The following RBFOX1 variants were observed in gnomAD, a reference collection of about 807,000 sequenced individuals.
RBFOX1 encodes the protein RNA binding fox-1 homolog 1, also known as RNA binding protein fox-1 homolog 1.
RBFOX1 carries 8 observed loss-of-function variants against 57.7 expected under a neutral mutation model. That is an observed-to-expected ratio of 0.14 (90% CI 0.08 to 0.25). The LOEUF (loss-of-function observed/expected upper bound fraction) is 0.25, where lower values mean the gene tolerates loss of function less well. RBFOX1 is among the 10% of genes least tolerant of loss of function. The pLI, the probability that RBFOX1 is intolerant of heterozygous loss-of-function variation, is 1.00. For synonymous variants in RBFOX1, 326 were observed against 222.4 expected (o/e 1.47, Z -4.15); for missense variants, 611 against 548.5 (o/e 1.11, Z -1.14).
intron 1 of RBFOX1, among the ~76,000 whole-genome samples, chr16:6,221,716 G>C (rs1415862232): frequency 6.6e-6 from 1 of 152,170 alleles, no homozygotes; most frequent in Admixed American, 6.5e-5. Context: ...TGAAGGAGGA[G>C]CAAAGTCACG....
intron 2 of RBFOX1, among the ~76,000 whole-genome samples, chr16:6,450,861 A>ATATATATG (rs2094603859): frequency 1.1e-5 from 1 of 91,970 alleles, no homozygotes; most frequent in African/African-American, 4.1e-5. Flanking sequence ...ATATATATAT[A>ATATATATG]TATATATATA....
intron 4 of RBFOX1, among the ~76,000 whole-genome samples, chr16:7,224,768 C>G (rs1473604407): frequency 1.3e-5 from 2 of 152,186 alleles, no homozygotes; most frequent in Non-Finnish European, 2.9e-5. Context: ...TGTCCAAAGT[C>G]CTCGTTATTC....
At chr16:7,295,577 T>C (rs1391423505) in intron 4 of RBFOX1, among the ~76,000 whole-genome samples, 1 of 152,052 alleles carries the variant, frequency 6.6e-6, no homozygotes, top group Non-Finnish European at 1.5e-5. Flanking sequence ...TGTATGTCAG[T>C]AGACATATAA....
intron 4 of RBFOX1, among the ~76,000 whole-genome samples, chr16:7,315,078 G>T (rs1326586976): frequency 8.3e-6 from 1 of 119,834 alleles, no homozygotes; most frequent in South Asian, 3.3e-4. Context: ...CAAGATACCA[G>T]CAGAGAAAAG....
rs945835766 is a variant in RBFOX1, at chr16:7,379,148, G to A, written c.28-138999G>A. On this transcript the variant is annotated intron_variant, in intron 4 of 15. Coordinates refer to ENST00000550418, the MANE Select transcript of RBFOX1 (RefSeq NM_018723.4). ...TGTCATCACTTGTTGTTAATAGTGG[G>A]GATAGCAGTAAACTCTCTTTCCTCT... Among the ~76,000 whole-genome samples the A allele has an allele frequency of 7.9e-5, 12 of 152,094 alleles. No individual in the cohort carries two copies. The South Asian group carries it at 1.7e-3, about 21-fold the overall frequency.
intron 4 of RBFOX1, among the ~76,000 whole-genome samples, chr16:7,362,035 TGTTA>T (rs2097333786): frequency 6.6e-6 from 1 of 151,718 alleles, no homozygotes. Flanking sequence ...TGTGTACATG[TGTTA>T]GTGTGTGTGT....
intron 4 of RBFOX1, among the ~76,000 whole-genome samples, chr16:5,992,216 T>G (rs1231371828): frequency 6.6e-6 from 1 of 152,224 alleles, no homozygotes; most frequent in African/African-American, 2.4e-5. Context: ...AACTTCCTTC[T>G]TCAAAGAACA....
chr16:6,867,798 A>G (rs1546091), intron 3 of RBFOX1, among the ~76,000 whole-genome samples: 36,108 of 152,128 alleles, frequency 0.24, 4,473 homozygotes, highest in East Asian at 0.28. Context: ...GCTCAGAACA[A>G]GTCCTGTTTA....
At chr16:5,838,103 G>A (rs1038273685) in intron 3 of RBFOX1, 7 of 153,452 alleles carry the variant, frequency 4.6e-5, no homozygotes, top group African/African-American at 1.4e-4. Context: ...ATGATGCAAG[G>A]TTAATTTTGT....
intron 2 of RBFOX1, among the ~76,000 whole-genome samples, chr16:6,363,521 C>A (rs1298392699): frequency 1.3e-5 from 2 of 152,142 alleles, no homozygotes; most frequent in East Asian, 3.9e-4. Context: ...TTTGGAATTG[C>A]CTAAATTTTG....
At chr16:6,565,834 A>G (rs1475201742) in intron 2 of RBFOX1, among the ~76,000 whole-genome samples, 2 of 152,230 alleles carry the variant, frequency 1.3e-5, no homozygotes, top group Non-Finnish European at 2.9e-5. Flanking sequence ...ATTAGCAGCT[A>G]TGTGAGGCTA....
At chr16:6,123,897 A>G (rs1465528557) in intron 1 of RBFOX1, among the ~76,000 whole-genome samples, 1 of 152,222 alleles carries the variant, frequency 6.6e-6, no homozygotes, top group African/African-American at 2.4e-5. Context: ...ACTCCCTCAA[A>G]AAAAGAATAG....
chr16:6,116,509 A>C (rs1478943730), intron 1 of RBFOX1, among the ~76,000 whole-genome samples: 1 of 152,232 alleles, frequency 6.6e-6, no homozygotes, highest in African/African-American at 2.4e-5. Context: ...AGATTTTCTT[A>C]CATGAATATG....
At chr16:5,675,799 C>T (rs938207888) in intron 3 of RBFOX1, among the ~76,000 whole-genome samples, 10 of 152,110 alleles carry the variant, frequency 6.6e-5, no homozygotes, top group Admixed American at 6.5e-4. Flanking sequence ...TCTCCATTCT[C>T]CTCTGGCAGC....
chr16:6,089,930 A>G (rs925268996), intron 1 of RBFOX1: 2 of 152,216 alleles, frequency 1.3e-5, no homozygotes, highest in Non-Finnish European at 2.9e-5. Flanking sequence ...TAGTGGCTTG[A>G]AAGAATATGG....
chr16:5,334,934 T>C (rs1299503830), intron 1 of RBFOX1, among the ~76,000 whole-genome samples: 2 of 151,962 alleles, frequency 1.3e-5, no homozygotes, highest in Non-Finnish European at 2.9e-5. Flanking sequence ...GAAAGAATAG[T>C]TTTGTTCGCT....
intron 14 of RBFOX1, among the ~76,000 whole-genome samples, chr16:7,705,276 G>T (rs371084615): frequency 1.5e-4 from 23 of 152,282 alleles, no homozygotes; most frequent in East Asian, 1.4e-3. Flanking sequence ...GGAGGCCGAG[G>T]CAGGAGGATC....
intron 2 of RBFOX1, among the ~76,000 whole-genome samples, chr16:6,549,532 G>A (rs1288625366): frequency 3.8e-4 from 51 of 133,782 alleles, no homozygotes; most frequent in African/African-American, 1.2e-3. Context: ...GGAGGGAGGA[G>A]GAGGAGGGGA....
intron 2 of RBFOX1, among the ~76,000 whole-genome samples, chr16:5,580,148 C>T (rs1013140506): frequency 3.3e-5 from 5 of 152,226 alleles, no homozygotes; most frequent in Non-Finnish European, 5.9e-5. Context: ...CTGCCTCCCT[C>T]GTTCCCAGCT....
Sources: gnomAD v4.1 joint callset for allele counts (sites outside exome capture counted in the v4.1 genomes callset) on GRCh38, gnomAD v4.1.1 for gene constraint, MANE v1.5 for transcripts, NCBI Gene and HGNC (gene_info 2026-07-23, HGNC 2026-07-21) for gene names.